SLC8A1: variants seen among roughly 807,000 people sequenced by gnomAD.
SLC8A1 encodes the protein solute carrier family 8 member A1, also known as sodium/calcium exchanger 1.
Under a neutral mutation model 68.3 loss-of-function variants are expected in SLC8A1, and 18 were observed. The observed-to-expected ratio is 0.26, with a 90% CI of 0.18 to 0.39. SLC8A1 has a LOEUF of 0.39. Ranked by LOEUF, SLC8A1 falls within the 10% of genes least tolerant of loss-of-function variation. The probability of loss-of-function intolerance (pLI) is 1.00; values close to 1 mark genes in which losing one functional copy is unlikely to be tolerated. For missense variants in SLC8A1, 985 were observed against 1,156.7 expected, an observed-to-expected ratio of 0.85 and a Z score of 2.15; for synonymous variants, 475 against 415.5, an observed-to-expected ratio of 1.14 and a Z score of -1.74.
chr2:40,358,758 C>G (rs922502695), intron 2 of SLC8A1, among the ~76,000 whole-genome samples: 2 of 152,196 alleles, frequency 1.3e-5, no homozygotes, highest in Non-Finnish European at 2.9e-5. Context: ...GACTCCTACT[C>G]TCATAAGGTT....
At chr2:40,434,586 T>C (rs1699031181) in intron 1 of SLC8A1, among the ~76,000 whole-genome samples, 1 of 152,168 alleles carries the variant, frequency 6.6e-6, no homozygotes, top group African/African-American at 2.4e-5. Flanking sequence ...TGCCTGGCTT[T>C]CTTATATTCT....
At chr2:40,166,517 T>G (rs1331945628) in intron 4 of SLC8A1, among the ~76,000 whole-genome samples, 1 of 152,182 alleles carries the variant, frequency 6.6e-6, no homozygotes. Context: ...AGCTGCTGAA[T>G]GTTAGCAGAG....
At position 40,354,395 on chromosome 2, in the gene SLC8A1, C is replaced by T. The variant is rs574403542; in HGVS notation, c.1808+74078G>A. Among the ~76,000 whole-genome samples, 68 of 152,260 alleles carry T rather than the reference C, an allele frequency of 4.5e-4. No homozygotes were observed. In the South Asian group the frequency reaches 6.2e-3, roughly 14 times the overall value. ...ATTTCTTTACCTTCAAGTCACACTC[C>T]GTGCACAGCCCACCCATCTGCTGAC... is the stretch of plus-strand genomic sequence containing the variant. On this transcript the variant is annotated intron_variant, in intron 2 of 7. Coordinates refer to ENST00000406785, the Ensembl canonical transcript of SLC8A1.
chr2:40,116,239 T>C (rs1237838593), intron 7 of SLC8A1, among the ~76,000 whole-genome samples: 3 of 152,230 alleles, frequency 2.0e-5, no homozygotes, highest in Non-Finnish European at 4.4e-5. Context: ...TAGCTGACAT[T>C]TGCTTAGAGC....
intron 7 of SLC8A1, among the ~76,000 whole-genome samples, chr2:40,136,578 A>G (rs970434097): frequency 2.0e-5 from 3 of 152,188 alleles, no homozygotes; most frequent in Non-Finnish European, 4.4e-5. Context: ...GAAAAGTGCC[A>G]AAACATGGGC....
At chr2:40,419,950 A>G (rs1015980834) in intron 2 of SLC8A1, among the ~76,000 whole-genome samples, 2 of 152,192 alleles carry the variant, frequency 1.3e-5, no homozygotes, top group African/African-American at 4.8e-5. Context: ...AAAATTTAAT[A>G]AAACCACCTT....
chr2:40,370,780 TCTTA>T (rs1677778524), intron 2 of SLC8A1, among the ~76,000 whole-genome samples: 1 of 152,080 alleles, frequency 6.6e-6, no homozygotes, highest in African/African-American at 2.4e-5. Flanking sequence ...ATACCTGTAT[TCTTA>T]CTTATCAGCA....
At chr2:40,231,974 A>G (rs1430109605) in intron 2 of SLC8A1, among the ~76,000 whole-genome samples, 2 of 152,148 alleles carry the variant, frequency 1.3e-5, no homozygotes, top group Non-Finnish European at 2.9e-5. Flanking sequence ...GCAAATAGGA[A>G]TAAGATACAG....
At chr2:40,378,876 C>A (rs530293691) in intron 2 of SLC8A1, among the ~76,000 whole-genome samples, 7 of 152,196 alleles carry the variant, frequency 4.6e-5, no homozygotes, top group African/African-American at 1.7e-4. Flanking sequence ...TCTTCTTTGA[C>A]CATATTCTAA....
chr2:40,277,817 T>TATAC (rs2066956234), intron 2 of SLC8A1, among the ~76,000 whole-genome samples: 1 of 144,988 alleles, frequency 6.9e-6, no homozygotes, highest in Non-Finnish European at 1.5e-5. Flanking sequence ...TATATATATA[T>TATAC]ATATATATAT....
At chr2:40,159,700 A>G (rs1424720187) in intron 6 of SLC8A1, among the ~76,000 whole-genome samples, 4 of 152,300 alleles carry the variant, frequency 2.6e-5, no homozygotes, top group Middle Eastern at 3.4e-3. Context: ...CACTCTCCTG[A>G]GCAGTTACCC....
intron 2 of SLC8A1, chr2:40,208,510 G>C (rs2055931729): frequency 6.6e-6 from 1 of 152,158 alleles, no homozygotes; most frequent in South Asian, 2.1e-4. Context: ...GTGTGTAAGA[G>C]GGAGGGCAGC....
chr2:40,318,742 C>T (rs1481406894), intron 2 of SLC8A1, among the ~76,000 whole-genome samples: 1 of 152,046 alleles, frequency 6.6e-6, no homozygotes, highest in Non-Finnish European at 1.5e-5. Context: ...AAAGTATATG[C>T]ATTGAAATTC....
chr2:40,143,963 G>A (rs894224098), intron 6 of SLC8A1, among the ~76,000 whole-genome samples: 1 of 152,174 alleles, frequency 6.6e-6, no homozygotes, highest in Non-Finnish European at 1.5e-5. Context: ...CCAAGCCTCA[G>A]TTGCTCACCT....
rs574165622 is a variant in SLC8A1, at chr2:40,390,977, C to T, written c.1808+37496G>A. On this transcript the variant is annotated intron_variant, in intron 2 of 7. Coordinates refer to ENST00000406785, the Ensembl canonical transcript of SLC8A1. ...GGCTCTTTGTGGATATATTTGGAGG[C>T]AGTTTAACATGCTGTGGAGATGTTT... 2.0e-5 allele frequency among the ~76,000 whole-genome samples: 3 copies of T among 151,968 alleles called. No individual in the cohort carries two copies. In the South Asian group the frequency reaches 6.2e-4, roughly 31 times the overall value.
intron 2 of SLC8A1, among the ~76,000 whole-genome samples, chr2:40,364,374 G>A (rs920490130): frequency 1.3e-5 from 2 of 151,568 alleles, no homozygotes; most frequent in Admixed American, 1.3e-4. Context: ...GTGTGTGTGT[G>A]TATGTTTAGG....
At chr2:40,354,257 G>C (rs987535249) in intron 2 of SLC8A1, among the ~76,000 whole-genome samples, 1 of 152,130 alleles carries the variant, frequency 6.6e-6, no homozygotes, top group Non-Finnish European at 1.5e-5. Context: ...TTGTTTCTTA[G>C]TGTGATTTGA....
At chr2:40,287,879 T>C (rs1390987289) in intron 2 of SLC8A1, among the ~76,000 whole-genome samples, 1 of 152,108 alleles carries the variant, frequency 6.6e-6, no homozygotes, top group Non-Finnish European at 1.5e-5. Flanking sequence ...ACCCCAGCTC[T>C]GATCAGGGCT....
chr2:40,102,395 A>G lies in SLC8A1; in HGVS notation c.*12858T>C, dbSNP rs935700584. The G allele has an allele frequency of 9.9e-5, 15 of 151,816 alleles. No individual in the cohort carries two copies. In the East Asian group the frequency reaches 2.9e-3, roughly 29 times the overall value. The allele number at this position is 151,816 out of a possible 1,614,324, so 9.4% of individuals were successfully genotyped here. ...TTTTTTCCTAGTCAAATCCATTTTA[A>G]AGTATATCAAATGCAAGGACTTATA... is the stretch of plus-strand genomic sequence containing the variant. On this transcript the variant is annotated 3_prime_UTR_variant, in exon 8 of 8. Coordinates refer to ENST00000406785, the Ensembl canonical transcript of SLC8A1.
Sources: allele counts gnomAD v4.1 joint callset (sites outside exome capture counted in the v4.1 genomes callset), GRCh38; gene constraint gnomAD v4.1.1; transcripts MANE v1.5; gene names NCBI Gene and HGNC (gene_info 2026-07-23, HGNC 2026-07-21).